PTPRM: variants seen among roughly 807,000 people sequenced by gnomAD.
PTPRM encodes protein tyrosine phosphatase receptor type M.
A neutral mutation model predicts 186.7 loss-of-function variants in PTPRM; 47 were observed. That is an observed-to-expected ratio of 0.25 (90% CI 0.20 to 0.32). The LOEUF (loss-of-function observed/expected upper bound fraction) is 0.32. PTPRM is among the 10% of genes least tolerant of loss of function. The pLI is 1.00. For synonymous variants in PTPRM, 668 were observed against 674.9 expected, an observed-to-expected ratio of 0.99 and a Z score of 0.16; for missense variants, 1,494 against 1,865.0, an observed-to-expected ratio of 0.80 and a Z score of 3.66.
intron 22 of PTPRM, among the ~76,000 whole-genome samples, chr18:8,336,657 AAGG>A (rs375770055): frequency 0.018 from 2,552 of 138,572 alleles, 89 homozygotes; most frequent in African/African-American, 0.064. Flanking sequence ...GAAGGAGAAG[AAGG>A]AGGAGGAGGA....
chr18:7,980,293 C>G (rs1272915398), intron 7 of PTPRM, among the ~76,000 whole-genome samples: 3 of 152,142 alleles, frequency 2.0e-5, no homozygotes, highest in Non-Finnish European at 4.4e-5. Flanking sequence ...TGCTGCTTGC[C>G]TAGCCTCAGC....
At chr18:7,765,593 T>C (rs1198990479) in intron 1 of PTPRM, among the ~76,000 whole-genome samples, 2 of 152,212 alleles carry the variant, frequency 1.3e-5, no homozygotes, top group African/African-American at 4.8e-5. Context: ...TCTCACTTTC[T>C]GTTTATCCTT....
rs529535419 is a variant in PTPRM at position 7,645,348 on chromosome 18, G to A, written c.73+77457G>A. ...CATCTTTCCATTTTACTTATGTAACGATTTCAACAATTCCAGGAAAATCCT... is the reference window on the plus strand; with the variant it reads ...CATCTTTCCATTTTACTTATGTAACAATTTCAACAATTCCAGGAAAATCCT... On this transcript the variant is annotated intron_variant, in intron 1 of 32. Coordinates refer to ENST00000580170, the MANE Select transcript of PTPRM (RefSeq NM_001105244.2). Among the ~76,000 whole-genome samples, 43 of 152,214 alleles carry A rather than the reference G, an allele frequency of 2.8e-4. No individual in the cohort carries two copies. In the East Asian group the frequency reaches 6.0e-3, roughly 21 times the overall value.
In PTPRM at chr18:8,352,652, G is replaced by GTT. The variant is rs142090056; in HGVS notation, c.3054+9132_3054+9133insTT. 9.7e-4 allele frequency among the ~76,000 whole-genome samples: 99 copies of GTT among 102,226 alleles called. 3 individuals carry two copies. The highest frequency in any genetic ancestry group is 8.6e-3 in the South Asian group (25 of 2,920). The allele number at this position is 102,226 out of a possible 152,430, so 67.1% of individuals were successfully genotyped here. A position where few individuals can be genotyped will look rare whatever the true frequency, so the allele number is the denominator to read the frequency against. ...CTTTTCTTTTTTTTTTTTTTGGTTTGGTTTTTTTTGTTTGTTTGTTTGTTT... is the reference window on the plus strand; with the variant it reads ...CTTTTCTTTTTTTTTTTTTTGGTTTGTTGTTTTTTTTGTTTGTTTGTTTGTTT... On this transcript the variant is annotated intron_variant, in intron 23 of 32. Coordinates refer to ENST00000580170, the MANE Select transcript of PTPRM (RefSeq NM_001105244.2).
rs2095908470 is a variant in PTPRM, at chr18:8,406,807, T to C, written c.*645T>C. The stretch of plus-strand genomic sequence containing the variant: ...CTTTTCCATGTGTTTATATTGTAAA[T>C]ATTTTTGATTTCATCAAATTATTTA... On this transcript the variant is annotated 3_prime_UTR_variant, in exon 33 of 33. Coordinates refer to ENST00000580170, the MANE Select transcript of PTPRM (RefSeq NM_001105244.2). 1 of 152,236 alleles carries C rather than the reference T, an allele frequency of 6.6e-6. No individual in the cohort carries two copies. The highest frequency in any genetic ancestry group is 2.4e-5 in the African/African-American group (1 of 41,472). 9.4% of individuals were successfully genotyped at this position (152,236 alleles called of 1,614,324 possible).
intron 7 of PTPRM, among the ~76,000 whole-genome samples, chr18:8,041,468 G>GA (rs111472760): frequency 0.65 from 96,825 of 149,226 alleles, 31,388 homozygotes; most frequent in African/African-American, 0.72. Context: ...GTGACCAAAA[G>GA]AAAAAAAAAA....
At chr18:8,387,502 AG>A (rs200582247) in intron 31 of PTPRM, among the ~76,000 whole-genome samples, 4 of 138,558 alleles carry the variant, frequency 2.9e-5, no homozygotes, top group Non-Finnish European at 6.2e-5. Context: ...CACTGCCAAG[AG>A]GAAAAAAAAA....
intron 14 of PTPRM, among the ~76,000 whole-genome samples, chr18:8,221,319 A>G (rs1438654737): frequency 6.6e-6 from 1 of 152,188 alleles, no homozygotes; most frequent in Admixed American, 6.5e-5. Context: ...AGTTTCTCAG[A>G]GGCCAGGGCT....
At chr18:8,024,520 A>G (rs2085441163) in intron 7 of PTPRM, among the ~76,000 whole-genome samples, 1 of 152,112 alleles carries the variant, frequency 6.6e-6, no homozygotes, top group Non-Finnish European at 1.5e-5. Flanking sequence ...TGATGCCAGG[A>G]CAACATGCTT....
chr18:8,384,495 T>C, intron 29 of PTPRM, 66 bp from the exon 30 acceptor site: 2 of 1,578,822 alleles, frequency 1.3e-6, no homozygotes, highest in Non-Finnish European at 1.7e-6. Context: ...ATACTAACCT[T>C]ATCCAAACTG....
chr18:8,017,493 G>A (rs2084945602), intron 7 of PTPRM, among the ~76,000 whole-genome samples: 1 of 143,032 alleles, frequency 7.0e-6, no homozygotes, highest in Non-Finnish European at 1.5e-5. Flanking sequence ...TGAGGCAAGA[G>A]AATTGCTTGG....
At position 8,167,029 on chromosome 18, in the gene PTPRM, C is replaced by T. The variant is rs11872590; in HGVS notation, c.2300+23250C>T. 8.1e-3 allele frequency among the ~76,000 whole-genome samples: 1,228 copies of T among 152,328 alleles called. 22 individuals carry two copies. Among genetic ancestry groups the T allele is most frequent in the African/African-American group, 0.028 (1,169 of 41,568 alleles). ...GAAGCACCCTGCAAAGCCAAGTGTG[C>T]AGGCTCTAAGCTACTCTTGGACACA... On this transcript the variant is annotated intron_variant, in intron 14 of 32. Transcript: ENST00000580170.
chr18:8,173,307 A>T (rs189443629), intron 14 of PTPRM, among the ~76,000 whole-genome samples: 1 of 152,256 alleles, frequency 6.6e-6, no homozygotes, highest in Non-Finnish European at 1.5e-5. Context: ...AATGATATAT[A>T]TGCTGTTGGA....
chr18:8,161,327 T>A (rs1280269255), intron 14 of PTPRM, among the ~76,000 whole-genome samples: 1 of 152,144 alleles, frequency 6.6e-6, no homozygotes, highest in Non-Finnish European at 1.5e-5. Context: ...TTTGTCAGGC[T>A]AAGGTTGACT....
At chr18:7,652,680 A>G in intron 1 of PTPRM, among the ~76,000 whole-genome samples, 2 of 145,082 alleles carry the variant, frequency 1.4e-5, no homozygotes, top group Non-Finnish European at 3.0e-5. Context: ...GCATATTCTC[A>G]CTCATAGGTG....
Position 8,296,352 on chromosome 18 carries a change from C to T in PTPRM, c.2755-16C>T, listed in dbSNP as rs373610072. ...ACTGCGCCAAATTGTAATTCTCAGTCTCACTTTCCTTCTAGAGCTTCTTTG... is the reference window on the plus strand; with the variant it reads ...ACTGCGCCAAATTGTAATTCTCAGTTTCACTTTCCTTCTAGAGCTTCTTTG... On this transcript the variant is annotated splice_polypyrimidine_tract_variant and intron_variant, in intron 19 of 32. Transcript: ENST00000580170. 13 of 1,544,614 alleles carry T rather than the reference C, an allele frequency of 8.4e-6. No individual in the cohort carries two copies. The East Asian group carries it at 2.5e-4, about 29-fold the overall frequency.
At chr18:7,657,080 A>G (rs900774145) in intron 1 of PTPRM, among the ~76,000 whole-genome samples, 1 of 152,200 alleles carries the variant, frequency 6.6e-6, no homozygotes, top group Non-Finnish European at 1.5e-5. Context: ...TCTCAGTTTA[A>G]CAAAAGATTG....
At chr18:7,743,142 A>G (rs616019) in intron 1 of PTPRM, among the ~76,000 whole-genome samples, 100,437 of 152,076 alleles carry the variant, frequency 0.66, 35,010 homozygotes, top group East Asian at 0.99. Flanking sequence ...GAAAGGAAAA[A>G]GTCCAGTCAT....
In PTPRM at chr18:8,302,575, G is replaced by A. The variant is rs145981427; in HGVS notation, c.2842+6120G>A. Among the ~76,000 whole-genome samples the A allele has an allele frequency of 8.3e-3, 1,266 of 152,230 alleles. 19 individuals are homozygous for A. The highest frequency in any genetic ancestry group is 0.023 in the African/African-American group (959 of 41,522). ...AGGTTCGAAAGGGACAGCTGTTGAG[G>A]AATTTCCAGTAGCCCGAGTGTGACA... is the stretch of plus-strand genomic sequence containing the variant. On this transcript the variant is annotated intron_variant, in intron 20 of 32. Coordinates refer to ENST00000580170, the MANE Select transcript of PTPRM (RefSeq NM_001105244.2).
Sources: allele counts gnomAD v4.1 joint callset (sites outside exome capture counted in the v4.1 genomes callset), GRCh38; gene constraint gnomAD v4.1.1; transcripts MANE v1.5; gene names NCBI Gene and HGNC (gene_info 2026-07-23, HGNC 2026-07-21).